Variants in LRPPRC observed in about 807,000 individuals in gnomAD.
LRPPRC encodes leucine-rich PPR motif-containing protein, mitochondrial.
In LRPPRC, 120 loss-of-function variants were observed where a neutral mutation model predicts 180.3. That is an observed-to-expected ratio of 0.67 (90% CI 0.57 to 0.77). The LOEUF is 0.77. LRPPRC is among the 30% of genes least tolerant of loss of function. The probability of loss-of-function intolerance (pLI) is 0.00; values close to 1 mark genes in which losing one functional copy is unlikely to be tolerated. For missense variants in LRPPRC, 2,012 were observed against 1,657.2 expected, an observed-to-expected ratio of 1.21 and a Z score of -3.72; for synonymous variants, 723 against 600.0, an observed-to-expected ratio of 1.21 and a Z score of -3.00.
At chr2:43,909,138 G>T (rs915766091) in intron 30 of LRPPRC, among the ~76,000 whole-genome samples, 1 of 152,172 alleles carries the variant, frequency 6.6e-6, no homozygotes, top group African/African-American at 2.4e-5. Flanking sequence ...TGGATAATTC[G>T]TAACTTGAAC....
intron 2 of LRPPRC, among the ~76,000 whole-genome samples, chr2:43,980,570 AG>A (rs771360469): frequency 0.24 from 20,789 of 86,146 alleles, 2,202 homozygotes; most frequent in African/African-American, 0.41. Context: ...AAAAAAAAAA[AG>A]AAGAAAGAAA....
chr2:43,897,732 G>A (rs1670735786), intron 34 of LRPPRC, among the ~76,000 whole-genome samples: 1 of 151,696 alleles, frequency 6.6e-6, no homozygotes, highest in Non-Finnish European at 1.5e-5. Context: ...TCTTTCTGAG[G>A]GAGCAGGCGC....
rs1671043803 is a variant in LRPPRC, at chr2:43,905,678, G to C, written c.3364+14C>G. On this transcript the variant is annotated intron_variant, in intron 31 of 37. Transcript: ENST00000260665. ...GGCATTAATGTGACGTAAAGGTCAA[G>C]CATTGTGACATACCTTTCAAATAAT... The C allele has an allele frequency of 6.3e-7, 1 of 1,583,938 alleles. No homozygotes were observed. The highest frequency in any genetic ancestry group is 1.7e-5 in the Admixed American group (1 of 59,980).
At chr2:43,993,804 T>C (rs1000821921) in intron 1 of LRPPRC, among the ~76,000 whole-genome samples, 1 of 151,326 alleles carries the variant, frequency 6.6e-6, no homozygotes, top group Admixed American at 6.6e-5. Flanking sequence ...CGAATAAATC[T>C]ACAGTGGGAC....
upstream of LRPPRC, among the ~76,000 whole-genome samples, chr2:43,996,196 G>T (rs560481424): frequency 4.6e-5 from 7 of 152,282 alleles, no homozygotes; most frequent in Middle Eastern, 3.4e-3. Flanking sequence ...TTCCGTCTCC[G>T]ATCTGGGCAT....
intron 31 of LRPPRC, among the ~76,000 whole-genome samples, chr2:43,904,136 C>G (rs1215007874): frequency 6.6e-6 from 1 of 152,044 alleles, no homozygotes; most frequent in Non-Finnish European, 1.5e-5. Context: ...GAGACAAGGT[C>G]TCGCTACACT....
At chr2:43,946,491 T>G (rs1293103280) in intron 20 of LRPPRC, among the ~76,000 whole-genome samples, 1 of 152,070 alleles carries the variant, frequency 6.6e-6, no homozygotes, top group African/African-American at 2.4e-5. Context: ...TATGCCAAAT[T>G]TGATGTTTTA....
rs959736793 is a variant in LRPPRC at position 43,982,521 on chromosome 2, G to C, written c.150-87C>G. 4.9e-5 allele frequency: 47 copies of C among 964,118 alleles called. 1 individual carries two copies. In the South Asian group the frequency reaches 5.4e-4, roughly 11 times the overall value. 59.7% of individuals were successfully genotyped at this position (964,118 alleles called of 1,614,324 possible). ...AAAACTTAAACAAATTTTAAAATTAGTTATTAAACACCTAAAATCACAGTA... is the reference window on the plus strand; with the variant it reads ...AAAACTTAAACAAATTTTAAAATTACTTATTAAACACCTAAAATCACAGTA... On this transcript the variant is annotated intron_variant, in intron 1 of 37. Transcript: ENST00000260665.
chr2:43,989,789 C>T (rs985809335), intron 1 of LRPPRC, among the ~76,000 whole-genome samples: 1 of 152,162 alleles, frequency 6.6e-6, no homozygotes, highest in African/African-American at 2.4e-5. Context: ...ACGGGAATCA[C>T]GGTATCTGGA....
Position 43,973,857 on chromosome 2 carries a change from A to T in LRPPRC, c.1199T>A (p.Val400Asp), listed in dbSNP as rs746958877. The change falls in exon 10 of 38, where the codon GTC becomes GAC. Residue 400 changes from valine to aspartate, a missense_variant. Transcript: ENST00000260665. ...LTDYCKKLKEVQMHSFPLQFT... is the reference protein window; with the variant it reads ...LTDYCKKLKEDQMHSFPLQFT... ...CTGCAGAGGAAAGGAGTGCATCTGG[A>T]CTTCCTTTAACTTCTTACAGTAGTC... 1.2e-6 allele frequency: 2 copies of T among 1,613,552 alleles called. No homozygotes were observed. Among genetic ancestry groups the T allele is most frequent in the Non-Finnish European group, 1.7e-6 (2 of 1,179,594 alleles).
At chr2:43,978,260 C>A (rs1203739423) in intron 3 of LRPPRC, among the ~76,000 whole-genome samples, 4 of 152,054 alleles carry the variant, frequency 2.6e-5, no homozygotes, top group African/African-American at 7.2e-5. Context: ...AAACAAGAGT[C>A]AAACTGGCAA....
intron 11 of LRPPRC, among the ~76,000 whole-genome samples, chr2:43,971,796 C>T (rs1673827813): frequency 1.3e-5 from 2 of 151,962 alleles, no homozygotes; most frequent in Admixed American, 1.3e-4. Context: ...ATACATACAG[C>T]CATTTCTCTG....
At chr2:43,927,798 T>C (rs780641320) in intron 25 of LRPPRC, among the ~76,000 whole-genome samples, 2 of 152,226 alleles carry the variant, frequency 1.3e-5, no homozygotes, top group Non-Finnish European at 2.9e-5. Flanking sequence ...TCTTCCCATG[T>C]TTCATTTTGA....
intron 21 of LRPPRC, among the ~76,000 whole-genome samples, chr2:43,945,727 T>C (rs572707103): frequency 6.6e-6 from 1 of 152,230 alleles, no homozygotes; most frequent in African/African-American, 2.4e-5. Context: ...ACATTTTTAC[T>C]TGAAAAATCT....
chr2:43,986,930 CAACTT>C (rs1674551784), intron 1 of LRPPRC, among the ~76,000 whole-genome samples: 1 of 152,208 alleles, frequency 6.6e-6, no homozygotes, highest in Non-Finnish European at 1.5e-5. Flanking sequence ...GCCGCTCTCT[CAACTT>C]ATTTTGTTGC....
rs145793761 is a variant in LRPPRC, at chr2:43,912,527, C to T, written c.3180G>A (p.Glu1060=). ...GAYDIFLNAK[E]QNIVFNAETY... ...TTTCAGCATTAAACACAATGTTTTG[C>T]TCTTTTGCATTCAGGAAAATATCAT... is the stretch of plus-strand genomic sequence containing the variant. The change falls in exon 30 of 38, where the codon GAG becomes GAA. Residue 1060 remains glutamate, a synonymous_variant. Transcript: ENST00000260665. 35 of 1,607,306 alleles carry T rather than the reference C, an allele frequency of 2.2e-5. No individual in the cohort carries two copies. The African/African-American group carries it at 3.6e-4, about 17-fold the overall frequency.
Position 43,995,865 on chromosome 2 carries a change from G to A in LRPPRC, c.83C>T (p.Pro28Leu), listed in dbSNP as rs781532322. 6.7e-7 allele frequency: 1 copy of A among 1,492,704 alleles called. No individual in the cohort carries two copies. Among genetic ancestry groups the A allele is most frequent in the South Asian group, 1.3e-5 (1 of 79,646 alleles). The allele number at this position is 1,492,704 out of a possible 1,614,324, so 92.5% of individuals were successfully genotyped here. The change falls in exon 1 of 38, where the codon CCT becomes CTT. Residue 28 changes from proline to leucine, a missense_variant. Transcript: ENST00000260665. ...PRLPLSLRLL[P>L]GGPGRLHAAS... is the part of the protein sequence containing the mutation. ...GGCATGCAGCCGGCCCGGGCCGCCA[G>A]GGAGGAGGCGCAGGGAGAGCGGGAG...
intron 14 of LRPPRC, among the ~76,000 whole-genome samples, chr2:43,955,985 A>G (rs909756597): frequency 1.3e-5 from 2 of 151,858 alleles, no homozygotes; most frequent in African/African-American, 4.8e-5. Context: ...ACCTGCCTTT[A>G]TATCTGTTGA....
chr2:43,901,351 T>C lies in LRPPRC; in HGVS notation c.3538A>G (p.Ile1180Val), dbSNP rs1670879832. Residue 1180 changes from isoleucine to valine, a missense_variant, in exon 32 of 38, where the codon ATC becomes GTC. By Grantham distance (29) the Ile-to-Val change is conservative. Transcript: ENST00000260665. ...DSIGLSKMVF[I>V]NNIALAQIKN... is the part of the protein sequence containing the mutation. ...ATTTGAGCCAAAGCAATGTTATTGA[T>C]GAAAACCATTTTTGAAAGTCCAATG... 3 of 1,613,882 alleles carry C rather than the reference T, an allele frequency of 1.9e-6. No individual in the cohort carries two copies. Among genetic ancestry groups the C allele is most frequent in the African/African-American group, 1.3e-5 (1 of 74,928 alleles).
Sources: allele counts gnomAD v4.1 joint callset (sites outside exome capture counted in the v4.1 genomes callset), GRCh38; gene constraint gnomAD v4.1.1; transcripts MANE v1.5; gene names NCBI Gene and HGNC (gene_info 2026-07-23, HGNC 2026-07-21).